PTPRD: variants seen among roughly 807,000 people sequenced by gnomAD.
The protein encoded by PTPRD is receptor-type tyrosine-protein phosphatase delta.
A neutral mutation model predicts 214.5 loss-of-function variants in PTPRD; 34 were observed. That is an observed-to-expected ratio of 0.16 (90% CI 0.12 to 0.21). The LOEUF (loss-of-function observed/expected upper bound fraction) is 0.21. PTPRD is among the 10% of genes least tolerant of loss of function. The pLI, the probability that PTPRD is intolerant of heterozygous loss-of-function variation, is 1.00. For synonymous variants in PTPRD, 1,128 were observed against 845.7 expected, an observed-to-expected ratio of 1.33 and a Z score of -5.79; for missense variants, 2,545 against 2,398.7, an observed-to-expected ratio of 1.06 and a Z score of -1.27.
intron 3 of PTPRD, among the ~76,000 whole-genome samples, chr9:10,298,438 G>T (rs930003219): frequency 6.6e-6 from 1 of 152,016 alleles, no homozygotes; most frequent in Non-Finnish European, 1.5e-5. Flanking sequence ...AACGATAAAA[G>T]AATATGTTAG....
chr9:10,345,334 G>T (rs1009794969), intron 2 of PTPRD, among the ~76,000 whole-genome samples: 119 of 151,892 alleles, frequency 7.8e-4, no homozygotes, highest in African/African-American at 2.7e-3. Flanking sequence ...TGTTACATAG[G>T]TATACACATG....
At chr9:8,461,822 A>G (rs566076273) in intron 32 of PTPRD, among the ~76,000 whole-genome samples, 2 of 151,532 alleles carry the variant, frequency 1.3e-5, no homozygotes. Context: ...TTTTAAAAAA[A>G]TTTTTTTTAT....
chr9:9,081,958 G>A (rs147579131), intron 10 of PTPRD, among the ~76,000 whole-genome samples: 2 of 151,586 alleles, frequency 1.3e-5, no homozygotes, highest in African/African-American at 4.8e-5. Context: ...CTGCAACTGA[G>A]GCAGTAATTA....
intron 11 of PTPRD, among the ~76,000 whole-genome samples, chr9:8,959,949 C>A (rs1211234466): frequency 6.6e-6 from 1 of 151,998 alleles, no homozygotes; most frequent in Non-Finnish European, 1.5e-5. Flanking sequence ...GACAAGTGTA[C>A]AACATCATCT....
At chr9:10,031,351 G>C (rs1288188924) in intron 4 of PTPRD, among the ~76,000 whole-genome samples, 1 of 151,932 alleles carries the variant, frequency 6.6e-6, no homozygotes, top group African/African-American at 2.4e-5. Context: ...ATTTGAGTCA[G>C]TGGGCTGGGG....
At position 10,165,556 on chromosome 9, in the gene PTPRD, T is replaced by C. The variant is rs556117265; in HGVS notation, c.-544-131766A>G. Among the ~76,000 whole-genome samples, 8 of 151,938 alleles carry C rather than the reference T, an allele frequency of 5.3e-5. No individual in the cohort carries two copies. In the East Asian group the frequency reaches 5.8e-4, roughly 11 times the overall value. Reference sequence around the variant, plus strand: ...TTCTTATATATGACAATACGGCTAGTAAAATGTTTTGTTTAGTTGCCAAAT... The same window carrying C: ...TTCTTATATATGACAATACGGCTAGCAAAATGTTTTGTTTAGTTGCCAAAT... On this transcript the variant is annotated intron_variant, in intron 3 of 45. Transcript: ENST00000381196.
At chr9:8,446,493 A>G (rs1285788648) in intron 34 of PTPRD, among the ~76,000 whole-genome samples, 1 of 152,208 alleles carries the variant, frequency 6.6e-6, no homozygotes, top group East Asian at 1.9e-4. Flanking sequence ...TTCATAACAG[A>G]CCCATCAGAA....
Position 10,215,977 on chromosome 9 carries a change from T to C in PTPRD, c.-545+124986A>G, listed in dbSNP as rs545334952. Among the ~76,000 whole-genome samples, 8 of 152,104 alleles carry C rather than the reference T, an allele frequency of 5.3e-5. No homozygotes were observed. The South Asian group carries it at 1.2e-3, about 24-fold the overall frequency. ...ACCACGTTTTAGGCCTGAATATCAATAGTGGCAAGACTGAGAAACTTTTTC... is the reference window on the plus strand; with the variant it reads ...ACCACGTTTTAGGCCTGAATATCAACAGTGGCAAGACTGAGAAACTTTTTC... On this transcript the variant is annotated intron_variant, in intron 3 of 45. Transcript: ENST00000381196.
chr9:9,405,209 GA>G (rs1317957485), intron 8 of PTPRD, among the ~76,000 whole-genome samples: 2 of 152,124 alleles, frequency 1.3e-5, no homozygotes, highest in East Asian at 3.9e-4. Flanking sequence ...TGCATTTTGG[GA>G]AAAGCAGATA....
intron 7 of PTPRD, among the ~76,000 whole-genome samples, chr9:9,712,574 A>G (rs2097756966): frequency 6.6e-6 from 1 of 152,124 alleles, no homozygotes; most frequent in Admixed American, 6.6e-5. Context: ...AAACTCAAAC[A>G]ATGGCAGACG....
intron 7 of PTPRD, among the ~76,000 whole-genome samples, chr9:9,616,161 T>C (rs1441890190): frequency 6.6e-6 from 1 of 152,198 alleles, no homozygotes; most frequent in Non-Finnish European, 1.5e-5. Context: ...CAGAAGAGTA[T>C]ATTGTCCGAT....
intron 2 of PTPRD, among the ~76,000 whole-genome samples, chr9:10,486,258 C>G (rs748093889): frequency 1.3e-5 from 2 of 152,052 alleles, no homozygotes; most frequent in Non-Finnish European, 2.9e-5. Context: ...TCTTTGCCCA[C>G]GCCTATGTCC....
chr9:10,081,250 T>C (rs576761218), intron 3 of PTPRD, among the ~76,000 whole-genome samples: 1 of 152,270 alleles, frequency 6.6e-6, no homozygotes, highest in Non-Finnish European at 1.5e-5. Flanking sequence ...AGCAGTGTGC[T>C]TGTTCAAGAT....
At chr9:10,508,146 G>C (rs1007648836) in intron 2 of PTPRD, among the ~76,000 whole-genome samples, 8 of 152,322 alleles carry the variant, frequency 5.3e-5, no homozygotes, top group Admixed American at 3.9e-4. Context: ...GATATGAACA[G>C]ACACTTCTCA....
chr9:8,647,248 T>C (rs1414461236), intron 12 of PTPRD, among the ~76,000 whole-genome samples: 2 of 152,236 alleles, frequency 1.3e-5, no homozygotes, highest in East Asian at 3.8e-4. Context: ...TTTTGTGTTT[T>C]TAATTTTTAA....
chr9:9,182,044 A>G (rs940478628), intron 10 of PTPRD, among the ~76,000 whole-genome samples: 2 of 152,088 alleles, frequency 1.3e-5, no homozygotes, highest in African/African-American at 4.8e-5. Flanking sequence ...TAACACATCA[A>G]TTTGACTGGG....
chr9:10,600,050 G>C (rs1276913947), intron 2 of PTPRD, among the ~76,000 whole-genome samples: 1 of 151,588 alleles, frequency 6.6e-6, no homozygotes, highest in African/African-American at 2.4e-5. Flanking sequence ...TATATTTAAA[G>C]GTCATTTAAA....
intron 43 of PTPRD, 70 bp downstream of exon 43, chr9:8,338,851 GA>G: frequency 7.8e-7 from 1 of 1,275,330 alleles, no homozygotes; most frequent in Non-Finnish European, 1.0e-6. Context: ...TTCTCCCAGA[GA>G]GAGAGAGAGA....
At chr9:9,854,546 CAGA>C (rs1242938177) in intron 5 of PTPRD, among the ~76,000 whole-genome samples, 1 of 151,910 alleles carries the variant, frequency 6.6e-6, no homozygotes, top group African/African-American at 2.4e-5. Context: ...AATCTTTTCT[CAGA>C]AGATTTCTAC....
Sources: allele counts gnomAD v4.1 joint callset (sites outside exome capture counted in the v4.1 genomes callset), GRCh38; gene constraint gnomAD v4.1.1; transcripts MANE v1.5; gene names NCBI Gene and HGNC (gene_info 2026-07-23, HGNC 2026-07-21).